Variants in FBXW7 observed in about 807,000 individuals in gnomAD.
FBXW7 encodes the protein F-box/WD repeat-containing protein 7.
FBXW7 carries 11 observed loss-of-function variants against 86.3 expected under a neutral mutation model. The ratio of observed to expected loss-of-function variants is 0.13; its 90% confidence interval spans 0.08 to 0.21. The LOEUF is 0.21. FBXW7 is among the 10% of genes least tolerant of loss of function. The pLI, the probability that FBXW7 is intolerant of heterozygous loss-of-function variation, is 1.00. For missense variants in FBXW7, 488 were observed against 847.4 expected, an observed-to-expected ratio of 0.58 and a Z score of 5.27; for synonymous variants, 313 against 297.9, an observed-to-expected ratio of 1.05 and a Z score of -0.52.
Position 152,536,051 on chromosome 4 carries a change from T to C in FBXW7, c.-1137A>G. ...GCAGCGCCCGGAGCTCAGCTCGCTG[T>C]CTCCCTCGCTCTGTGCGGGGCTCTC... On this transcript the variant is annotated 5_prime_UTR_variant, in exon 1 of 14. Coordinates refer to ENST00000281708, the MANE Select transcript of FBXW7 (RefSeq NM_001349798.2). 1 of 197,522 alleles carries C rather than the reference T, an allele frequency of 5.1e-6. No homozygotes were observed. The highest frequency in any genetic ancestry group is 1.0e-5 in the Non-Finnish European group (1 of 97,570). 12.2% of individuals were successfully genotyped at this position (197,522 alleles called of 1,614,324 possible). A position where few individuals can be genotyped will look rare whatever the true frequency, so the allele number is the denominator to read the frequency against.
chr4:152,386,828 G>A (rs939891558), intron 4 of FBXW7, among the ~76,000 whole-genome samples: 9 of 152,064 alleles, frequency 5.9e-5, no homozygotes, highest in Admixed American at 1.3e-4. Context: ...ATTTGCATCC[G>A]TAAAAACAAT....
At chr4:152,326,833 C>G (rs989164439) in intron 11 of FBXW7, among the ~76,000 whole-genome samples, 11 of 151,988 alleles carry the variant, frequency 7.2e-5, no homozygotes, top group African/African-American at 2.7e-4. Context: ...TAAAAATTAA[C>G]CAGTTTTAGA....
chr4:152,445,914 A>T (rs1290740516), intron 2 of FBXW7, among the ~76,000 whole-genome samples: 2 of 49,782 alleles, frequency 4.0e-5, no homozygotes, highest in Admixed American at 4.6e-4. Context: ...TGTCTTTAAA[A>T]AAAAAAAAAA....
intron 2 of FBXW7, among the ~76,000 whole-genome samples, chr4:152,440,427 A>C (rs1030481815): frequency 6.6e-6 from 1 of 152,212 alleles, no homozygotes; most frequent in Non-Finnish European, 1.5e-5. Flanking sequence ...ACAAAAATTG[A>C]CTTCAGCATT....
In FBXW7 at chr4:152,535,603, G is replaced by A. The variant is rs914472376; in HGVS notation, c.-689C>T. The A allele has an allele frequency of 5.0e-6, 2 of 397,006 alleles. No homozygotes were observed. The highest frequency in any genetic ancestry group is 2.1e-5 in the African/African-American group (1 of 48,478). 24.6% of individuals were successfully genotyped at this position (397,006 alleles called of 1,614,324 possible). A position where few individuals can be genotyped will look rare whatever the true frequency, so the allele number is the denominator to read the frequency against. On this transcript the variant is annotated 5_prime_UTR_variant, in exon 1 of 14. Coordinates refer to ENST00000281708, the MANE Select transcript of FBXW7 (RefSeq NM_001349798.2). ...AGTCGGCGGCAAGGCGAGGGACCCG[G>A]CCGGCTCCGCTCGGCGCCGCCCCCG... is the stretch of plus-strand genomic sequence containing the variant.
rs373831444 is a variant in FBXW7, at chr4:152,508,230, G to C, written c.-120+26711C>G. ...ATGAAATCCATAGAAGAATCTGTAA[G>C]TCCATCTGATATAAGAGGGGAAAAA... On this transcript the variant is annotated intron_variant, in intron 2 of 13. Transcript: ENST00000281708. Among the ~76,000 whole-genome samples, 37 of 152,104 alleles carry C rather than the reference G, an allele frequency of 2.4e-4. 1 individual carries two copies. Among genetic ancestry groups the C allele is most frequent in the East Asian group, 1.9e-3 (10 of 5,178 alleles).
At chr4:152,364,539 T>A (rs960946822) in intron 4 of FBXW7, among the ~76,000 whole-genome samples, 1 of 152,214 alleles carries the variant, frequency 6.6e-6, no homozygotes, top group Non-Finnish European at 1.5e-5. Context: ...TAAGGGACTA[T>A]GACTTCTTCA....
intron 2 of FBXW7, among the ~76,000 whole-genome samples, chr4:152,465,761 T>C (rs1308131526): frequency 6.6e-6 from 1 of 151,396 alleles, no homozygotes; most frequent in Non-Finnish European, 1.5e-5. Flanking sequence ...GGAGAATCGC[T>C]TGAACCCAGG....
intron 2 of FBXW7, among the ~76,000 whole-genome samples, chr4:152,419,737 C>T (rs551496220): frequency 3.3e-5 from 5 of 151,878 alleles, no homozygotes; most frequent in Non-Finnish European, 7.4e-5. Flanking sequence ...CAGCAGGTCA[C>T]AAAAAATGTT....
chr4:152,533,815 T>C (rs1750225588), intron 2 of FBXW7, among the ~76,000 whole-genome samples: 1 of 152,160 alleles, frequency 6.6e-6, no homozygotes, highest in Non-Finnish European at 1.5e-5. Flanking sequence ...ATTGTTAAGT[T>C]TGAGAAAGTT....
chr4:152,354,398 G>C (rs2126671869), intron 4 of FBXW7, among the ~76,000 whole-genome samples: 1 of 152,130 alleles, frequency 6.6e-6, no homozygotes, highest in East Asian at 1.9e-4. Flanking sequence ...CAGAAGTTCT[G>C]AGGACTCAAG....
intron 4 of FBXW7, 40 bp downstream of exon 4, chr4:152,411,263 G>A (rs1328725686): frequency 8.0e-6 from 12 of 1,509,246 alleles, no homozygotes; most frequent in South Asian, 6.9e-5. Context: ...AAATAGATAT[G>A]TAAAGTTTCT....
intron 2 of FBXW7, among the ~76,000 whole-genome samples, chr4:152,481,702 G>A (rs1744893876): frequency 6.6e-6 from 1 of 152,176 alleles, no homozygotes; most frequent in Admixed American, 6.5e-5. Flanking sequence ...ATGGATGTGA[G>A]GAGCTCAAGA....
chr4:152,458,540 G>A (rs1174787687), intron 2 of FBXW7, among the ~76,000 whole-genome samples: 2 of 152,152 alleles, frequency 1.3e-5, no homozygotes, highest in Non-Finnish European at 1.5e-5. Flanking sequence ...ACACATCTAG[G>A]CTCTAGGTCA....
At chr4:152,351,806 T>C (rs2126657427) in intron 4 of FBXW7, among the ~76,000 whole-genome samples, 1 of 152,238 alleles carries the variant, frequency 6.6e-6, no homozygotes, top group South Asian at 2.1e-4. Context: ...GCAAATACCA[T>C]TTGCCACTAA....
At chr4:152,420,214 C>T (rs1193260015) in intron 2 of FBXW7, among the ~76,000 whole-genome samples, 2 of 152,120 alleles carry the variant, frequency 1.3e-5, no homozygotes, top group African/African-American at 4.8e-5. Flanking sequence ...CAAGAAACAG[C>T]TTTCTTTGCT....
At chr4:152,369,230 T>C (rs1015060899) in intron 4 of FBXW7, among the ~76,000 whole-genome samples, 2 of 152,120 alleles carry the variant, frequency 1.3e-5, no homozygotes, top group Non-Finnish European at 2.9e-5. Context: ...ATGCTTTCCA[T>C]GGGTTATTTC....
intron 2 of FBXW7, among the ~76,000 whole-genome samples, chr4:152,426,359 T>C (rs1474364001): frequency 1.3e-5 from 2 of 151,786 alleles, no homozygotes; most frequent in Non-Finnish European, 2.9e-5. Context: ...CAAACTTTTT[T>C]TTTTTTTTTT....
intron 4 of FBXW7, among the ~76,000 whole-genome samples, chr4:152,407,519 C>G (rs968611053): frequency 1.3e-5 from 2 of 152,136 alleles, no homozygotes; most frequent in African/African-American, 4.8e-5. Context: ...TAACTTAGAG[C>G]CCTGTTATAT....
Sources: gnomAD v4.1 joint callset for allele counts (sites outside exome capture counted in the v4.1 genomes callset) on GRCh38, gnomAD v4.1.1 for gene constraint, MANE v1.5 for transcripts, NCBI Gene and HGNC (gene_info 2026-07-23, HGNC 2026-07-21) for gene names.